Variants in MTHFD1L observed in about 807,000 individuals in gnomAD.
The protein encoded by MTHFD1L is methylenetetrahydrofolate dehydrogenase (NADP+ dependent) 1 like, also known as monofunctional C1-tetrahydrofolate synthase, mitochondrial.
A neutral mutation model predicts 119.5 loss-of-function variants in MTHFD1L; 81 were observed. The observed-to-expected ratio is 0.68, with a 90% CI of 0.57 to 0.82. The LOEUF is 0.82. Among genes scored for constraint, MTHFD1L ranks in the 40% least tolerant of loss-of-function variants. The pLI is 0.00. For synonymous variants in MTHFD1L, 430 were observed against 475.2 expected, an observed-to-expected ratio of 0.90 and a Z score of 1.24; for missense variants, 1,125 against 1,253.4, an observed-to-expected ratio of 0.90 and a Z score of 1.55.
intron 17 of MTHFD1L, among the ~76,000 whole-genome samples, chr6:150,958,314 G>T (rs1182279479): frequency 6.6e-6 from 1 of 152,102 alleles, no homozygotes; most frequent in East Asian, 1.9e-4. Flanking sequence ...TACCATAGTA[G>T]ATTCAGCCAT....
intron 24 of MTHFD1L, among the ~76,000 whole-genome samples, chr6:151,021,006 G>C (rs1475175326): frequency 1.3e-5 from 2 of 152,232 alleles, no homozygotes; most frequent in Admixed American, 6.5e-5. Context: ...TTGTCCATAA[G>C]AAATGGACGC....
chr6:151,042,587 G>T (rs575020062), intron 26 of MTHFD1L, among the ~76,000 whole-genome samples: 64 of 152,220 alleles, frequency 4.2e-4, no homozygotes, highest in Non-Finnish European at 7.9e-4. Context: ...TTAGTAGTAG[G>T]TGGTCTTTGT....
At chr6:151,032,266 G>A (rs536288406) in intron 24 of MTHFD1L, among the ~76,000 whole-genome samples, 3 of 152,200 alleles carry the variant, frequency 2.0e-5, no homozygotes, top group African/African-American at 4.8e-5. Context: ...TGCAAGCATG[G>A]CACCAACATC....
At chr6:151,087,758 T>C (rs1417480310) in intron 26 of MTHFD1L, among the ~76,000 whole-genome samples, 1 of 152,240 alleles carries the variant, frequency 6.6e-6, no homozygotes, top group East Asian at 1.9e-4. Flanking sequence ...TTAATGCTCA[T>C]AAAGGCTATT....
chr6:150,912,593 C>T (rs1787105553), intron 8 of MTHFD1L: 3 of 447,688 alleles, frequency 6.7e-6, no homozygotes, highest in Non-Finnish European at 1.4e-5. Context: ...CTGCACTGCT[C>T]ATATTAGTGA....
At chr6:151,008,119 G>T (rs1411774894) in intron 20 of MTHFD1L, among the ~76,000 whole-genome samples, 2 of 152,170 alleles carry the variant, frequency 1.3e-5, no homozygotes, top group Non-Finnish European at 2.9e-5. Context: ...AATATTTTCA[G>T]TGCAGTATTG....
At chr6:151,024,416 C>A (rs1784360152) in intron 24 of MTHFD1L, among the ~76,000 whole-genome samples, 1 of 152,054 alleles carries the variant, frequency 6.6e-6, no homozygotes, top group Non-Finnish European at 1.5e-5. Context: ...GTGGCACATG[C>A]ACTGTAGTCT....
chr6:151,012,041 A>C (rs1449565034), intron 21 of MTHFD1L, among the ~76,000 whole-genome samples: 96 of 148,502 alleles, frequency 6.5e-4, no homozygotes, highest in African/African-American at 2.2e-3. Flanking sequence ...AAAAAAAAAA[A>C]AAAAAAAAAA....
intron 8 of MTHFD1L, among the ~76,000 whole-genome samples, chr6:150,911,198 G>A (rs1412131564): frequency 6.6e-6 from 1 of 152,044 alleles, no homozygotes; most frequent in African/African-American, 2.4e-5. Flanking sequence ...AGAATATGCA[G>A]CACTGTATAA....
chr6:150,933,470 A>G lies in MTHFD1L; in HGVS notation c.1257-3334A>G, dbSNP rs1443015933. Among the ~76,000 whole-genome samples, 3 of 152,034 alleles carry G rather than the reference A, an allele frequency of 2.0e-5. No homozygotes were observed. The East Asian group carries it at 5.8e-4, about 29-fold the overall frequency. On this transcript the variant is annotated intron_variant, in intron 11 of 27. Transcript: ENST00000367321. ...CAAGCAGAAGTATTAATATCTTTGT[A>G]TAACTTTCAGTCTTCACGTTGACCC... is the stretch of plus-strand genomic sequence containing the variant.
chr6:150,959,351 G>A (rs1292392150), intron 17 of MTHFD1L: 1 of 263,096 alleles, frequency 3.8e-6, no homozygotes, highest in African/African-American at 2.3e-5. Flanking sequence ...ACTCCCCTTG[G>A]GAAGAAGAGA....
At chr6:151,051,295 T>C (rs1788985487) in intron 26 of MTHFD1L, among the ~76,000 whole-genome samples, 1 of 152,222 alleles carries the variant, frequency 6.6e-6, no homozygotes, top group Non-Finnish European at 1.5e-5. Context: ...ATATGGCCTT[T>C]AGTGTGGAAG....
intron 13 of MTHFD1L, among the ~76,000 whole-genome samples, chr6:150,939,877 G>T (rs1327484589): frequency 6.6e-6 from 1 of 151,852 alleles, no homozygotes; most frequent in African/African-American, 2.4e-5. Flanking sequence ...TAGAGACGGG[G>T]TTTCACCATG....
At chr6:151,047,903 G>A (rs934538388) in intron 26 of MTHFD1L, among the ~76,000 whole-genome samples, 8 of 152,154 alleles carry the variant, frequency 5.3e-5, no homozygotes, top group African/African-American at 1.7e-4. Flanking sequence ...CGGGAAGCAT[G>A]GCTGGGGAGG....
intron 1 of MTHFD1L, among the ~76,000 whole-genome samples, chr6:150,869,927 A>G (rs1172406273): frequency 6.6e-6 from 1 of 151,814 alleles, no homozygotes; most frequent in Non-Finnish European, 1.5e-5. Flanking sequence ...GCACCACCAC[A>G]CCCAGCTAAT....
chr6:150,926,648 T>G lies in MTHFD1L; in HGVS notation c.1256+353T>G, dbSNP rs565500626. On this transcript the variant is annotated intron_variant, in intron 11 of 27. Coordinates refer to ENST00000367321, the MANE Select transcript of MTHFD1L (RefSeq NM_015440.5). This position sits in a 1 kb window ranked among gnomAD's most constrained non-coding sequence, Gnocchi z 4.3. The stretch of plus-strand genomic sequence containing the variant: ...ATTTTGAACTGAGCAGTTTGTTTTG[T>G]GCGTTCTACTTGAAATATTTTCGTG... 2.0e-5 allele frequency among the ~76,000 whole-genome samples: 3 copies of G among 152,366 alleles called. No homozygotes were observed. In the South Asian group the frequency reaches 6.2e-4, roughly 32 times the overall value.
chr6:151,077,573 C>T (rs1015682525), intron 26 of MTHFD1L, among the ~76,000 whole-genome samples: 4 of 152,174 alleles, frequency 2.6e-5, no homozygotes, highest in East Asian at 3.9e-4. Flanking sequence ...CCTAGCTACT[C>T]GGGAAGCTGA....
intron 8 of MTHFD1L, among the ~76,000 whole-genome samples, chr6:150,916,765 T>A (rs1788030279): frequency 3.5e-5 from 2 of 56,364 alleles, no homozygotes; most frequent in African/African-American, 2.0e-4. Flanking sequence ...TTTTTTTTTT[T>A]TTTTTTTTTT....
chr6:151,025,017 T>G (rs1784434219), intron 24 of MTHFD1L, among the ~76,000 whole-genome samples: 1 of 152,240 alleles, frequency 6.6e-6, no homozygotes, highest in African/African-American at 2.4e-5. Context: ...TTTTTGGCAT[T>G]GCTACACTAT....
Sources: gnomAD v4.1 joint callset for allele counts (sites outside exome capture counted in the v4.1 genomes callset) on GRCh38, gnomAD v4.1.1 for gene constraint, Gnocchi (gnomAD v3.1) non-coding constraint, MANE v1.5 for transcripts, NCBI Gene and HGNC (gene_info 2026-07-23, HGNC 2026-07-21) for gene names.